SAMD5: variants seen among roughly 807,000 people sequenced by gnomAD.
SAMD5 encodes the protein sterile alpha motif domain containing 5.
SAMD5 carries 13 observed loss-of-function variants against 11.3 expected under a neutral mutation model. The observed-to-expected ratio is 1.15, with a 90% CI of 0.75 to 1.83. The LOEUF is 1.83. Among genes scored for constraint, SAMD5 ranks in the 40% most tolerant of loss-of-function variants. The pLI, the probability that SAMD5 is intolerant of heterozygous loss-of-function variation, is 0.00. For missense variants in SAMD5, 255 were observed against 239.1 expected, an observed-to-expected ratio of 1.07 and a Z score of -0.44; for synonymous variants, 129 against 111.3, an observed-to-expected ratio of 1.16 and a Z score of -1.00.
chr6:147,713,422 A>G (rs1289055280), intron 1 of SAMD5, among the ~76,000 whole-genome samples: 1 of 152,172 alleles, frequency 6.6e-6, no homozygotes, highest in Non-Finnish European at 1.5e-5. Flanking sequence ...AAGAATGAGG[A>G]CATAACCTGG....
At chr6:147,897,943 TAAAAAAAAAAAAAAAAAA>T in the SAMD5 span, among the ~76,000 whole-genome samples, 4 of 89,638 alleles carry the variant, frequency 4.5e-5, no homozygotes, top group Admixed American at 1.5e-4. Flanking sequence ...AGATTTTTCT[TAAAAAAAAAAAAAAAAAA>T]AAAAAAAAAA....
chr6:147,697,760 A>G (rs1351076072), intron 1 of SAMD5, among the ~76,000 whole-genome samples: 1 of 152,222 alleles, frequency 6.6e-6, no homozygotes, highest in Non-Finnish European at 1.5e-5. Context: ...ATGTGGGGAT[A>G]TGGTGAGTTT....
At chr6:147,539,756 T>C (rs1788570094) in intron 1 of SAMD5, among the ~76,000 whole-genome samples, 1 of 152,096 alleles carries the variant, frequency 6.6e-6, no homozygotes, top group African/African-American at 2.4e-5. Context: ...AAAAAACTTT[T>C]TTCTAGAAAA....
the SAMD5 span, among the ~76,000 whole-genome samples, chr6:147,892,524 T>C: frequency 0.63 from 95,189 of 152,072 alleles, 30,115 homozygotes; most frequent in African/African-American, 0.71. Flanking sequence ...TAGGGATCTG[T>C]ACATCTAAGT....
At chr6:147,733,156 C>T (rs561419527) in intron 1 of SAMD5, among the ~76,000 whole-genome samples, 2 of 152,152 alleles carry the variant, frequency 1.3e-5, no homozygotes, top group South Asian at 2.1e-4. Context: ...ATTTAAATAC[C>T]TGAGCAAGTT....
the SAMD5 span, among the ~76,000 whole-genome samples, chr6:147,842,626 AT>A: frequency 6.6e-6 from 1 of 152,138 alleles, no homozygotes; most frequent in East Asian, 1.9e-4. Context: ...AATGAAAAAA[AT>A]GCGTCTTTAT....
At chr6:147,947,659 C>G in the SAMD5 span, 1 of 152,240 alleles carries the variant, frequency 6.6e-6, no homozygotes, top group African/African-American at 2.4e-5. Context: ...TGTGTTCAAT[C>G]TTGTTCAGAT....
chr6:147,735,050 T>C (rs1791775623), intron 1 of SAMD5, among the ~76,000 whole-genome samples: 1 of 152,204 alleles, frequency 6.6e-6, no homozygotes, highest in East Asian at 1.9e-4. Flanking sequence ...AAAGCATTTA[T>C]TGATGAGAGG....
At chr6:147,608,881 C>T (rs1203664796) in intron 1 of SAMD5, among the ~76,000 whole-genome samples, 1 of 152,086 alleles carries the variant, frequency 6.6e-6, no homozygotes, top group African/African-American at 2.4e-5. Context: ...TTTCACGTTG[C>T]ATGCCTGTAT....
downstream of SAMD5, among the ~76,000 whole-genome samples, chr6:147,572,114 T>A (rs1054523794): frequency 6.6e-6 from 1 of 152,154 alleles, no homozygotes. Flanking sequence ...TCAGTAGTAT[T>A]GTAGAATGAA....
At chr6:147,660,664 T>G (rs1433826945) in intron 1 of SAMD5, 1 of 127,026 alleles carries the variant, frequency 7.9e-6, no homozygotes, top group Non-Finnish European at 1.8e-5. Flanking sequence ...TCAGGCGATC[T>G]GGATCTGGAT....
chr6:147,943,924 T>G, the SAMD5 span, among the ~76,000 whole-genome samples: 1 of 152,144 alleles, frequency 6.6e-6, no homozygotes, highest in Admixed American at 6.5e-5. Context: ...GCTCTCTGAT[T>G]GCTGGGAGGC....
the SAMD5 span, among the ~76,000 whole-genome samples, chr6:147,789,839 G>A: frequency 2.0e-5 from 3 of 152,170 alleles, no homozygotes; most frequent in South Asian, 6.2e-4. Flanking sequence ...ATTGGGATTT[G>A]TGTGGTGGTT....
At chr6:147,618,812 T>C (rs1279077424) in intron 1 of SAMD5, among the ~76,000 whole-genome samples, 1 of 152,244 alleles carries the variant, frequency 6.6e-6, no homozygotes, top group Non-Finnish European at 1.5e-5. Context: ...TACGAAGTCA[T>C]CTGAACAACA....
intron 1 of SAMD5, among the ~76,000 whole-genome samples, chr6:147,654,895 C>G (rs1790543402): frequency 1.3e-5 from 2 of 152,242 alleles, no homozygotes; most frequent in Non-Finnish European, 2.9e-5. Context: ...CTAGAAGCAT[C>G]TGGGTCAGCC....
intron 1 of SAMD5, among the ~76,000 whole-genome samples, chr6:147,529,354 A>G (rs545378683): frequency 1.4e-4 from 22 of 152,194 alleles, no homozygotes; most frequent in Admixed American, 2.6e-4. Context: ...CTATACCCCA[A>G]TATTATTCAA....
chr6:147,702,546 GGT>G (rs1332569382), intron 1 of SAMD5, among the ~76,000 whole-genome samples: 1 of 152,160 alleles, frequency 6.6e-6, no homozygotes, highest in East Asian at 1.9e-4. Flanking sequence ...TAAAAATTAT[GGT>G]GTGTGAAGGT....
chr6:147,566,996 T>A lies in SAMD5; in HGVS notation c.*2540T>A. 2 of 833,562 alleles carry A rather than the reference T, an allele frequency of 2.4e-6. No homozygotes were observed. Among genetic ancestry groups the A allele is most frequent in the Non-Finnish European group, 2.9e-6 (2 of 691,930 alleles). The allele number at this position is 833,562 out of a possible 1,614,324, so 51.6% of individuals were successfully genotyped here. ...AGTAGCAATTGACTAAGAATAAATA[T>A]GTTATAAAAACTAGGGGATTATCTT... On this transcript the variant is annotated 3_prime_UTR_variant, in exon 2 of 2. Transcript: ENST00000367474.
At chr6:147,667,320 AAAAG>A (rs540848867) in intron 1 of SAMD5, among the ~76,000 whole-genome samples, 31 of 152,264 alleles carry the variant, frequency 2.0e-4, no homozygotes, top group South Asian at 2.1e-4. Context: ...GTTGATTAGA[AAAAG>A]AAAGAAAGAC....
Sources: allele counts gnomAD v4.1 joint callset (sites outside exome capture counted in the v4.1 genomes callset), GRCh38; gene constraint gnomAD v4.1.1; transcripts MANE v1.5; gene names NCBI Gene and HGNC (gene_info 2026-07-23, HGNC 2026-07-21).